The following SRBD1 variants were observed in gnomAD, a reference collection of about 807,000 sequenced individuals.
SRBD1 encodes the protein S1 RNA binding domain 1, also known as S1 RNA-binding domain-containing protein 1.
SRBD1 carries 88 observed loss-of-function variants against 115.3 expected under a neutral mutation model. That is an observed-to-expected ratio of 0.76 (90% confidence interval 0.64 to 0.91). The LOEUF is 0.91. Among genes scored for constraint, SRBD1 ranks in the 40% least tolerant of loss-of-function variants. SRBD1 has a pLI of 0.00. For missense variants in SRBD1, 1,385 were observed against 1,177.4 expected, an observed-to-expected ratio of 1.18 and a Z score of -2.58; for synonymous variants, 509 against 407.7, an observed-to-expected ratio of 1.25 and a Z score of -2.99.
At chr2:45,509,128 T>A (rs762699592) in intron 14 of SRBD1, among the ~76,000 whole-genome samples, 1 of 152,058 alleles carries the variant, frequency 6.6e-6, no homozygotes, top group African/African-American at 2.4e-5. Context: ...ACATAACTAA[T>A]TGATATCAAG....
chr2:45,514,059 T>TA (rs1324026229), intron 14 of SRBD1, among the ~76,000 whole-genome samples: 1 of 152,148 alleles, frequency 6.6e-6, no homozygotes, highest in African/African-American at 2.4e-5. Flanking sequence ...GAACAACACT[T>TA]ACAACCACGG....
chr2:45,454,028 G>C (rs1669078288), intron 16 of SRBD1, among the ~76,000 whole-genome samples: 1 of 151,864 alleles, frequency 6.6e-6, no homozygotes, highest in African/African-American at 2.4e-5. Context: ...AGTTCTTACA[G>C]GTCAGATTGA....
chr2:45,535,700 T>G (rs1671743975), intron 14 of SRBD1, among the ~76,000 whole-genome samples: 1 of 152,066 alleles, frequency 6.6e-6, no homozygotes, highest in Non-Finnish European at 1.5e-5. Context: ...TTTCTTTTAT[T>G]GATACTTATT....
intron 16 of SRBD1, among the ~76,000 whole-genome samples, chr2:45,423,923 C>G (rs908267455): frequency 6.6e-6 from 1 of 152,058 alleles, no homozygotes; most frequent in African/African-American, 2.4e-5. Flanking sequence ...AACAATCTCT[C>G]TTGACATTTT....
intron 16 of SRBD1, among the ~76,000 whole-genome samples, chr2:45,423,378 A>G (rs1365992944): frequency 6.6e-6 from 1 of 152,196 alleles, no homozygotes; most frequent in Non-Finnish European, 1.5e-5. Flanking sequence ...CTTCACATAA[A>G]ATTAAATCAG....
intron 15 of SRBD1, among the ~76,000 whole-genome samples, chr2:45,484,008 T>C (rs1485271453): frequency 2.6e-5 from 4 of 152,164 alleles, no homozygotes; most frequent in Non-Finnish European, 5.9e-5. Context: ...GGGTGACTTT[T>C]ACTTTATGTA....
chr2:45,600,111 T>A (rs934789872), intron 3 of SRBD1, among the ~76,000 whole-genome samples: 1 of 152,156 alleles, frequency 6.6e-6, no homozygotes, highest in Non-Finnish European at 1.5e-5. Flanking sequence ...CTAGGCATCT[T>A]TGTGGTGATG....
In SRBD1 at chr2:45,494,383, T is replaced by G. The variant is rs573823450; in HGVS notation, c.1875-6052A>C. On this transcript the variant is annotated intron_variant, in intron 14 of 20. Coordinates refer to ENST00000263736, the MANE Select transcript of SRBD1 (RefSeq NM_018079.5). ...TCATATCAGATAATGGCCAACTTTT[T>G]TTTTTTAATTTACCAAGCTTTCTTT... Among the ~76,000 whole-genome samples the G allele has an allele frequency of 1.1e-4, 16 of 152,310 alleles. No homozygotes were observed. In the East Asian group the frequency reaches 2.9e-3, roughly 28 times the overall value.
chr2:45,581,829 G>T lies in SRBD1; in HGVS notation c.816-19C>A, dbSNP rs772902720. ...AACAGCCCTGAAAAGAGAAACTTTTGTAATATACCAAAACTGTATGTCAAA... is the reference window on the plus strand; with the variant it reads ...AACAGCCCTGAAAAGAGAAACTTTTTTAATATACCAAAACTGTATGTCAAA... On this transcript the variant is annotated intron_variant, in intron 5 of 20. Coordinates refer to ENST00000263736, the MANE Select transcript of SRBD1 (RefSeq NM_018079.5). 2 of 1,562,846 alleles carry T rather than the reference G, an allele frequency of 1.3e-6. No individual in the cohort carries two copies. Among genetic ancestry groups the T allele is most frequent in the African/African-American group, 2.8e-5 (2 of 72,130 alleles).
chr2:45,593,845 T>C (rs116577122), intron 4 of SRBD1, among the ~76,000 whole-genome samples: 2,469 of 152,200 alleles, frequency 0.016, 31 homozygotes, highest in Non-Finnish European at 0.024. Context: ...GAAAAACCAG[T>C]GCTGTTAGAA....
At chr2:45,589,825 T>C (rs553227266) in intron 4 of SRBD1, among the ~76,000 whole-genome samples, 1 of 152,284 alleles carries the variant, frequency 6.6e-6, no homozygotes, top group South Asian at 2.1e-4. Flanking sequence ...ACTAAGCCAA[T>C]GATAATCAAG....
intron 7 of SRBD1, among the ~76,000 whole-genome samples, chr2:45,575,216 T>G (rs187318376): frequency 6.6e-6 from 1 of 152,340 alleles, no homozygotes; most frequent in African/African-American, 2.4e-5. Context: ...ATGGGGCATT[T>G]TTTCACATTT....
chr2:45,524,768 T>C (rs899151634), intron 14 of SRBD1, among the ~76,000 whole-genome samples: 2 of 152,050 alleles, frequency 1.3e-5, no homozygotes, highest in African/African-American at 4.8e-5. Flanking sequence ...TTCCAGTTGA[T>C]TTCTTTGGAG....
Position 45,564,975 on chromosome 2 carries a change from A to C in SRBD1, c.1306-2219T>G, listed in dbSNP as rs146879125. On this transcript the variant is annotated intron_variant, in intron 9 of 20. Transcript: ENST00000263736. Reference sequence around the variant, plus strand: ...AAACTACAAAACATTGTTGAAAGAAATTAAAGAAGATCTAAATAAATACCC... The same window carrying C: ...AAACTACAAAACATTGTTGAAAGAACTTAAAGAAGATCTAAATAAATACCC... 1.5e-3 allele frequency among the ~76,000 whole-genome samples: 230 copies of C among 152,340 alleles called. 1 individual carries two copies. The highest frequency in any genetic ancestry group is 5.3e-3 in the African/African-American group (219 of 41,576).
In SRBD1 at chr2:45,488,225, T is replaced by A. The variant is rs760399045; in HGVS notation, c.1966+15A>T. Reference sequence around the variant, plus strand: ...TCAAAATCACATGTTTTTGTGATGGTCCATAGTTTCTTACCTGCACTTCTC... The same window carrying A: ...TCAAAATCACATGTTTTTGTGATGGACCATAGTTTCTTACCTGCACTTCTC... On this transcript the variant is annotated intron_variant, in intron 15 of 20. Transcript: ENST00000263736. 4.4e-6 allele frequency: 7 copies of A among 1,608,314 alleles called. No homozygotes were observed. The South Asian group carries it at 5.5e-5, about 13-fold the overall frequency.
At chr2:45,597,395 G>C (rs1217489962) in intron 4 of SRBD1, among the ~76,000 whole-genome samples, 1 of 151,518 alleles carries the variant, frequency 6.6e-6, no homozygotes, top group Non-Finnish European at 1.5e-5. Context: ...ACTTCAGCCT[G>C]GGCGACAGAG....
At chr2:45,412,211 G>A (rs1435073668) in intron 19 of SRBD1, among the ~76,000 whole-genome samples, 2 of 152,160 alleles carry the variant, frequency 1.3e-5, no homozygotes, top group African/African-American at 2.4e-5. Context: ...ACATCTAGGT[G>A]TGGCTATATA....
intron 16 of SRBD1, among the ~76,000 whole-genome samples, chr2:45,459,685 A>AT (rs1250942954): frequency 1.3e-5 from 2 of 152,036 alleles, no homozygotes; most frequent in Non-Finnish European, 2.9e-5. Flanking sequence ...TCCATGTCTA[A>AT]TTTTTTTCCC....
At chr2:45,530,734 A>G (rs1671585351) in intron 14 of SRBD1, among the ~76,000 whole-genome samples, 1 of 152,004 alleles carries the variant, frequency 6.6e-6, no homozygotes, top group South Asian at 2.1e-4. Context: ...ATCAGTCTCT[A>G]AAGCCCAGAG....
Sources: allele counts gnomAD v4.1 joint callset (sites outside exome capture counted in the v4.1 genomes callset), GRCh38; gene constraint gnomAD v4.1.1; transcripts MANE v1.5; gene names NCBI Gene and HGNC (gene_info 2026-07-23, HGNC 2026-07-21).